Variants in ADAM11 observed in about 807,000 individuals in gnomAD.
The protein encoded by ADAM11 is disintegrin and metalloproteinase domain-containing protein 11.
Under a neutral mutation model 119.1 loss-of-function variants are expected in ADAM11, and 49 were observed. The ratio of observed to expected loss-of-function variants is 0.41; its 90% CI spans 0.33 to 0.52. The LOEUF is 0.52. Ranked by LOEUF, ADAM11 falls within the 20% of genes least tolerant of loss-of-function variation. The pLI is 0.20. For missense variants in ADAM11, 777 were observed against 1,047.5 expected (o/e 0.74, Z 3.56); for synonymous variants, 364 against 408.0 (o/e 0.89, Z 1.30).
In ADAM11 at chr17:44,769,698, T is replaced by TCGGGGGGGGGG; in HGVS notation, c.238-19_238-18insGGGGGGGGGGC. Reference sequence around the variant, plus strand: ...CAGGCCTCCCTGGGTTGACTCCCCCTCTGCCCTCCCCCCACCCAGCCTGTC... The same window carrying TCGGGGGGGGGG: ...CAGGCCTCCCTGGGTTGACTCCCCCTCGGGGGGGGGGCTGCCCTCCCCCCACCCAGCCTGTC... On this transcript the variant is annotated intron_variant, in intron 2 of 26. Coordinates refer to ENST00000200557, the MANE Select transcript of ADAM11 (RefSeq NM_002390.6). 1 of 1,590,564 alleles carries TCGGGGGGGGGG rather than the reference T, an allele frequency of 6.3e-7. No individual in the cohort carries two copies. The highest frequency in any genetic ancestry group is 8.6e-7 in the Non-Finnish European group (1 of 1,160,254).
chr17:44,775,333 G>T lies in ADAM11; in HGVS notation c.1320+22G>T, dbSNP rs1479959871. 8.7e-6 allele frequency: 14 copies of T among 1,613,540 alleles called. No individual in the cohort carries two copies. The highest frequency in any genetic ancestry group is 1.2e-5 in the Non-Finnish European group (14 of 1,179,898). On this transcript the variant is annotated intron_variant, in intron 15 of 26. Transcript: ENST00000200557. The surrounding 1 kb of genome is among the most constrained non-coding windows in gnomAD (Gnocchi z 7.5). Reference sequence around the variant, plus strand: ...CAAGGTACCAGCCCCGCGGCGGGGAGCATGGGAGCGGGCCCTGGGCGGGGT... The same window carrying T: ...CAAGGTACCAGCCCCGCGGCGGGGATCATGGGAGCGGGCCCTGGGCGGGGT...
intron 14 of ADAM11, 130 bp downstream of exon 14, chr17:44,774,879 C>T: frequency 1.7e-6 from 2 of 1,210,678 alleles, no homozygotes; most frequent in South Asian, 1.5e-5. Context: ...CCCAAGAAGC[C>T]CAGTTTTCCG....
At chr17:44,766,654 T>C (rs549310105) in intron 2 of ADAM11, among the ~76,000 whole-genome samples, 1 of 152,338 alleles carries the variant, frequency 6.6e-6, no homozygotes, top group African/African-American at 2.4e-5. Context: ...GGTGTCTCCC[T>C]GAGCCTCATC....
chr17:44,777,896 G>A lies in ADAM11; in HGVS notation c.2070+33G>A. The A allele has an allele frequency of 6.2e-7, 1 of 1,613,658 alleles. No individual in the cohort carries two copies. Among genetic ancestry groups the A allele is most frequent in the Non-Finnish European group, 8.5e-7 (1 of 1,179,960 alleles). ...CCTGGAGCCTGGGATGGCGGGAGAA[G>A]CTTACAAGAGGGGACAGGCCCCTGC... On this transcript the variant is annotated intron_variant, in intron 23 of 26. Coordinates refer to ENST00000200557, the MANE Select transcript of ADAM11 (RefSeq NM_002390.6). The surrounding 1 kb of genome is among the most constrained non-coding windows in gnomAD (Gnocchi z 5.1).
At chr17:44,770,121 G>T (rs115353374) in intron 4 of ADAM11, 73 bp downstream of exon 4, 1 of 1,554,146 alleles carries the variant, frequency 6.4e-7, no homozygotes, top group Non-Finnish European at 8.8e-7. Context: ...GTGGTCACAG[G>T]TGTAGGGACA....
At chr17:44,770,100 T>G (rs762795270) in intron 4 of ADAM11, 52 bp downstream of exon 4, 1 of 1,590,706 alleles carries the variant, frequency 6.3e-7, no homozygotes, top group Non-Finnish European at 8.6e-7. Flanking sequence ...AGGTGCTGTT[T>G]CTGTGGTTCT....
rs1374219245 is a variant in ADAM11, at chr17:44,777,209, G to A, written c.1725G>A (p.Gly575=). Residue 575 remains glycine, a synonymous_variant, in exon 21 of 27, where the codon GGG becomes GGA. Transcript: ENST00000200557. The surrounding 1 kb of genome is among the most constrained non-coding windows in gnomAD (Gnocchi z 5.1). ...GCTACGAGAAGCTGAATGTGGAGGG[G>A]ACGGAGCGTGGGAGCTGTGGGCGCA... ...RFCYEKLNVE[G]TERGSCGRKG... 1 of 1,609,288 alleles carries A rather than the reference G, an allele frequency of 6.2e-7. No individual in the cohort carries two copies. The highest frequency in any genetic ancestry group is 8.5e-7 in the Non-Finnish European group (1 of 1,179,520).
rs1312771767 is a variant in ADAM11, at chr17:44,780,076, C to T, written c.*322C>T. The T allele has an allele frequency of 6.1e-6, 4 of 658,470 alleles. No homozygotes were observed. The highest frequency in any genetic ancestry group is 1.1e-5 in the Non-Finnish European group (4 of 355,974). The allele number at this position is 658,470 out of a possible 1,614,324, so 40.8% of individuals were successfully genotyped here. ...AACTCGGGGGCGCCTGGAGGGATGC[C>T]CCCAGGCAGCCACCAGTGGACCTAG... On this transcript the variant is annotated 3_prime_UTR_variant, in exon 27 of 27. Coordinates refer to ENST00000200557, the MANE Select transcript of ADAM11 (RefSeq NM_002390.6).
At chr17:44,763,323 T>C (rs909942595) in intron 2 of ADAM11, among the ~76,000 whole-genome samples, 1 of 152,192 alleles carries the variant, frequency 6.6e-6, no homozygotes, top group Admixed American at 6.5e-5. Flanking sequence ...CTGCCCCAAG[T>C]GACACAGCAC....
rs1229494871 is a variant in ADAM11 at position 44,773,736 on chromosome 17, T to G, written c.992+309T>G. On this transcript the variant is annotated intron_variant, in intron 11 of 26. Coordinates refer to ENST00000200557, the MANE Select transcript of ADAM11 (RefSeq NM_002390.6). This position sits in a 1 kb window ranked among gnomAD's most constrained non-coding sequence, Gnocchi z 4.6. ...CAGTGCCCTAGTAGGGAAAAAAATC[T>G]AATAAAAGGGCCTTGCAACTAGAGA... Among the ~76,000 whole-genome samples the G allele has an allele frequency of 1.2e-4, 19 of 152,128 alleles. No homozygotes were observed. Among genetic ancestry groups the G allele is most frequent in the Admixed American group, 1.2e-3 (19 of 15,274 alleles).
chr17:44,777,985 C>A lies in ADAM11; in HGVS notation c.2104C>A (p.Pro702Thr). The A allele has an allele frequency of 6.2e-7, 1 of 1,614,058 alleles. No homozygotes were observed. The highest frequency in any genetic ancestry group is 8.5e-7 in the Non-Finnish European group (1 of 1,179,990). The change falls in exon 24 of 27, where the codon CCA (proline) becomes ACA (threonine). Residue 702 changes from proline (P) to threonine (T), a missense_variant. Pro to Thr is a conservative substitution (Grantham distance 38). This residue lies in a region of ADAM11 where 348 missense variants were observed against 486.7 expected (regional missense o/e 0.72). Coordinates refer to ENST00000200557, the MANE Select transcript of ADAM11 (RefSeq NM_002390.6). The surrounding 1 kb of genome is among the most constrained non-coding windows in gnomAD (Gnocchi z 5.1). ...CAATGAAGGGAAGTGCATCTGTCAG[C>A]CAGACTGGACAGGCAAAGACTGCAG... ...CSNEGKCICQ[P>T]DWTGKDCSIH...
At chr17:44,778,409 A>C (rs1035407999) in intron 25 of ADAM11, among the ~76,000 whole-genome samples, 167 bp downstream of exon 25, 1 of 152,148 alleles carries the variant, frequency 6.6e-6, no homozygotes, top group Non-Finnish European at 1.5e-5. Context: ...AGGAGATTTT[A>C]GGCTAGATGA....
In ADAM11 at chr17:44,772,577, G is replaced by A. The variant is rs138562745; in HGVS notation, c.678+111G>A. 2,668 of 1,356,238 alleles carry A rather than the reference G, an allele frequency of 2.0e-3. 41 individuals carry two copies. The African/African-American group carries it at 0.035, about 18-fold the overall frequency. The allele number at this position is 1,356,238 out of a possible 1,614,324, so 84.0% of individuals were successfully genotyped here. A position where few individuals can be genotyped will look rare whatever the true frequency, so the allele number is the denominator to read the frequency against. On this transcript the variant is annotated intron_variant, in intron 8 of 26. Transcript: ENST00000200557. This position sits in a 1 kb window ranked among gnomAD's most constrained non-coding sequence, Gnocchi z 4.5. ...CTCATCTATGGCTGGGGCGAAGGAAGGCTCAGATGGATGTGGCTGGGGGCC... is the reference window on the plus strand; with the variant it reads ...CTCATCTATGGCTGGGGCGAAGGAAAGCTCAGATGGATGTGGCTGGGGGCC...
Position 44,775,135 on chromosome 17 carries a change from C to T in ADAM11, c.1221-77C>T. The T allele has an allele frequency of 3.2e-6, 4 of 1,251,364 alleles. No individual in the cohort carries two copies. Among genetic ancestry groups the T allele is most frequent in the Admixed American group, 3.5e-5 (2 of 56,664 alleles). 77.5% of individuals were successfully genotyped at this position (1,251,364 alleles called of 1,614,324 possible). A position where few individuals can be genotyped will look rare whatever the true frequency, so the allele number is the denominator to read the frequency against. On this transcript the variant is annotated intron_variant, in intron 14 of 26. Transcript: ENST00000200557. This position sits in a 1 kb window ranked among gnomAD's most constrained non-coding sequence, Gnocchi z 7.5. ...GATGGTGACGAAGTCCCCCAGTGTA[C>T]CCCCTCCCCAGCCTTGAGAGGGGTG... is the stretch of plus-strand genomic sequence containing the variant.
chr17:44,770,453 C>T (rs903774312), intron 4 of ADAM11, among the ~76,000 whole-genome samples: 1 of 151,462 alleles, frequency 6.6e-6, no homozygotes, highest in Non-Finnish European at 1.5e-5. Context: ...GGCTCTAGAG[C>T]CTGAAAATGA....
At chr17:44,759,353 C>G in intron 1 of ADAM11, 93 bp downstream of exon 1, 1 of 1,284,166 alleles carries the variant, frequency 7.8e-7, no homozygotes, top group South Asian at 2.3e-5. Flanking sequence ...TCCTGCAGTG[C>G]TCGGGGTGAC....
intron 2 of ADAM11, among the ~76,000 whole-genome samples, chr17:44,767,735 A>T (rs2049468000): frequency 6.6e-6 from 1 of 152,186 alleles, no homozygotes; most frequent in African/African-American, 2.4e-5. Context: ...GCTGCACCAG[A>T]TGGGGAAGTG....
At position 44,776,414 on chromosome 17, in the gene ADAM11, C is replaced by T. The variant is rs1416085678; in HGVS notation, c.1566+207C>T. 1.3e-5 allele frequency among the ~76,000 whole-genome samples: 2 copies of T among 152,202 alleles called. No homozygotes were observed. The highest frequency in any genetic ancestry group is 2.9e-5 in the Non-Finnish European group (2 of 68,030). Reference sequence around the variant, plus strand: ...CAATCATTAAACCAGAATGTATCGTCTGGCTGGTATTCCCAGCGCCTGGCC... The same window carrying T: ...CAATCATTAAACCAGAATGTATCGTTTGGCTGGTATTCCCAGCGCCTGGCC... On this transcript the variant is annotated intron_variant, in intron 18 of 26. Transcript: ENST00000200557. This position sits in a 1 kb window ranked among gnomAD's most constrained non-coding sequence, Gnocchi z 5.2.
intron 2 of ADAM11, 74 bp from the exon 3 acceptor site, chr17:44,769,644 G>T: frequency 1.0e-6 from 1 of 967,410 alleles, no homozygotes; most frequent in Non-Finnish European, 1.6e-6. Flanking sequence ...GGCTACTGTT[G>T]CTCCCGGGAT....
Sources: allele counts gnomAD v4.1 joint callset (sites outside exome capture counted in the v4.1 genomes callset), GRCh38; gene constraint gnomAD v4.1.1; regional missense constraint gnomAD v4.1.1; non-coding constraint Gnocchi (gnomAD v3.1); transcripts MANE v1.5; gene names NCBI Gene and HGNC (gene_info 2026-07-23, HGNC 2026-07-21).